The following ALKBH8 variants were observed in gnomAD, a reference collection of about 807,000 sequenced individuals.
The protein encoded by ALKBH8 is tRNA (carboxymethyluridine(34)-5-O)-methyltransferase ALKBH8.
In ALKBH8, 36 loss-of-function variants were observed where a neutral mutation model predicts 59.8. That is an observed-to-expected ratio of 0.60 (90% CI 0.46 to 0.79). The LOEUF (loss-of-function observed/expected upper bound fraction) is 0.79, where lower values mean the gene tolerates loss of function less well. ALKBH8 is among the 30% of genes least tolerant of loss of function. ALKBH8 has a pLI of 0.00. For missense variants in ALKBH8, 768 were observed against 801.0 expected, an observed-to-expected ratio of 0.96 and a Z score of 0.50; for synonymous variants, 276 against 273.6, an observed-to-expected ratio of 1.01 and a Z score of -0.09.
chr11:107,512,856 T>G (rs568611183), intron 10 of ALKBH8, among the ~76,000 whole-genome samples: 1 of 152,330 alleles, frequency 6.6e-6, no homozygotes, highest in South Asian at 2.1e-4. Flanking sequence ...GCTAGCCATG[T>G]GTAGAAGATT....
At chr11:107,549,140 C>T (rs557873060) in intron 7 of ALKBH8, among the ~76,000 whole-genome samples, 87 of 152,098 alleles carry the variant, frequency 5.7e-4, no homozygotes, top group African/African-American at 2.0e-3. Context: ...CATAAGCCAC[C>T]GCACCCAGCC....
chr11:107,555,712 G>GA (rs1486877131), intron 3 of ALKBH8, among the ~76,000 whole-genome samples: 1 of 152,076 alleles, frequency 6.6e-6, no homozygotes, highest in African/African-American at 2.4e-5. Flanking sequence ...CCACTCCTAG[G>GA]ATATCTAAAA....
At position 107,504,433 on chromosome 11, in the gene ALKBH8, C is replaced by A. The variant is rs148650310; in HGVS notation, c.*225G>T. The A allele has an allele frequency of 4.1e-3, 2,695 of 654,780 alleles. 56 individuals are homozygous for A. Among genetic ancestry groups the A allele is most frequent in the East Asian group, 9.6e-3 (355 of 36,872 alleles). 40.6% of individuals were successfully genotyped at this position (654,780 alleles called of 1,614,324 possible). On this transcript the variant is annotated 3_prime_UTR_variant, in exon 12 of 12. Transcript: ENST00000428149. ...AAACTGCTTCAATCACTTTTAGAAA[C>A]CACCTCTCCTAGGGAAGTAGGAGGA...
chr11:107,542,213 A>C (rs573155187), intron 7 of ALKBH8, among the ~76,000 whole-genome samples: 1 of 152,250 alleles, frequency 6.6e-6, no homozygotes, highest in South Asian at 2.1e-4. Context: ...AGATTCAAGA[A>C]ACCTGGTAAT....
At chr11:107,527,853 T>C (rs763468492) in intron 8 of ALKBH8, among the ~76,000 whole-genome samples, 6 of 152,058 alleles carry the variant, frequency 3.9e-5, no homozygotes, top group Non-Finnish European at 7.4e-5. Flanking sequence ...AATATAGCAT[T>C]AAATAGAAGG....
In ALKBH8 at chr11:107,532,343, A is replaced by G; in HGVS notation, c.835T>C (p.Leu279=). 6.2e-7 allele frequency: 1 copy of G among 1,613,636 alleles called. No individual in the cohort carries two copies. The highest frequency in any genetic ancestry group is 8.5e-7 in the Non-Finnish European group (1 of 1,179,664). Residue 279 remains leucine, a synonymous_variant, in exon 8 of 12, where the codon TTG becomes CTG. Coordinates refer to ENST00000428149, the MANE Select transcript of ALKBH8 (RefSeq NM_138775.3). ...CTAGATTCTCCTGTCATCACCAGCAAACTCCGACGAGGCAACATAACTGGC... is the reference window on the plus strand; with the variant it reads ...CTAGATTCTCCTGTCATCACCAGCAGACTCCGACGAGGCAACATAACTGGC... ...AVPVMLPRRS[L]LVMTGESRYL...
chr11:107,540,334 CA>C (rs1275639175), intron 7 of ALKBH8, among the ~76,000 whole-genome samples: 38 of 152,284 alleles, frequency 2.5e-4, no homozygotes, highest in African/African-American at 9.1e-4. Flanking sequence ...AGCTGCTGAA[CA>C]AATAGATTCT....
At chr11:107,515,914 T>A (rs907551055) in intron 10 of ALKBH8, among the ~76,000 whole-genome samples, 1 of 152,234 alleles carries the variant, frequency 6.6e-6, no homozygotes, top group African/African-American at 2.4e-5. Flanking sequence ...AACCATTTTT[T>A]AAGGAAGAAA....
rs375393669 is a variant in ALKBH8 at position 107,553,927 on chromosome 11, A to G, written c.419T>C (p.Val140Ala). The change falls in exon 4 of 12, where the codon GTA (valine) becomes GCA (alanine). Residue 140 changes from valine (V) to alanine (A), a missense_variant. Coordinates refer to ENST00000428149, the MANE Select transcript of ALKBH8 (RefSeq NM_138775.3). ...CTCCTCAGAAGAAATTATTTCTTCTACTACCATGAGTCCTGGTGGTAAGGC... is the reference window on the plus strand; with the variant it reads ...CTCCTCAGAAGAAATTATTTCTTCTGCTACCATGAGTCCTGGTGGTAAGGC... ...PQALPPGLMVVEEIISSEEEK... is the reference protein window; with the variant it reads ...PQALPPGLMVAEEIISSEEEK... The G allele has an allele frequency of 1.2e-5, 19 of 1,613,664 alleles. No individual in the cohort carries two copies. Among genetic ancestry groups the G allele is most frequent in the Non-Finnish European group, 1.4e-5 (17 of 1,179,748 alleles).
At chr11:107,536,697 G>A (rs957753732) in intron 7 of ALKBH8, among the ~76,000 whole-genome samples, 3 of 152,156 alleles carry the variant, frequency 2.0e-5, no homozygotes, top group Non-Finnish European at 4.4e-5. Flanking sequence ...GTAAGGGGAA[G>A]GGTGAGTGGG....
intron 8 of ALKBH8, among the ~76,000 whole-genome samples, chr11:107,529,939 G>C (rs1863516449): frequency 6.6e-6 from 1 of 152,122 alleles, no homozygotes; most frequent in Admixed American, 6.6e-5. Context: ...AACAGAAAGG[G>C]GTAGGAACTG....
chr11:107,504,590 T>C lies in ALKBH8; in HGVS notation c.*68A>G, dbSNP rs1448393914. On this transcript the variant is annotated 3_prime_UTR_variant, in exon 12 of 12. Coordinates refer to ENST00000428149, the MANE Select transcript of ALKBH8 (RefSeq NM_138775.3). The stretch of plus-strand genomic sequence containing the variant: ...GTTTTCTCTTTAATTAAAAGGGTAA[T>C]TAATTTATTCTCTCTTTTTTTTTAA... 1.3e-6 allele frequency: 2 copies of C among 1,514,160 alleles called. No homozygotes were observed. The highest frequency in any genetic ancestry group is 2.1e-5 in the Admixed American group (1 of 48,650). 93.8% of individuals were successfully genotyped at this position (1,514,160 alleles called of 1,614,324 possible).
At chr11:107,559,113 G>A (rs1408246577) in intron 2 of ALKBH8, among the ~76,000 whole-genome samples, 1 of 152,090 alleles carries the variant, frequency 6.6e-6, no homozygotes, top group East Asian at 1.9e-4. Context: ...CTTTCGCTTG[G>A]CTCTCATTCT....
intron 1 of ALKBH8, 152 bp downstream of exon 1, chr11:107,565,449 C>T (rs906975926): frequency 1.5e-5 from 16 of 1,038,072 alleles, no homozygotes; most frequent in Admixed American, 8.8e-5. Context: ...ACCCTACTGC[C>T]CACACTGCAC....
In ALKBH8 at chr11:107,504,863, T is replaced by C; in HGVS notation, c.1790A>G (p.His597Arg). 1 of 1,551,712 alleles carries C rather than the reference T, an allele frequency of 6.4e-7. No individual in the cohort carries two copies. The highest frequency in any genetic ancestry group is 8.7e-7 in the Non-Finnish European group (1 of 1,146,972). ...FYSQDVLVPW[H>R]LKGNPDKGKP... is the part of the protein sequence containing the mutation. Reference sequence around the variant, plus strand: ...GCCTTTATCAGGATTTCCCTTAAGGTGCCAGGGAACCAGTACATCTTGAGA... The same window carrying C: ...GCCTTTATCAGGATTTCCCTTAAGGCGCCAGGGAACCAGTACATCTTGAGA... The change falls in exon 12 of 12, where the codon CAC becomes CGC. Residue 597 changes from histidine to arginine, a missense_variant. Coordinates refer to ENST00000428149, the MANE Select transcript of ALKBH8 (RefSeq NM_138775.3).
At chr11:107,543,597 T>A (rs1241363011) in intron 7 of ALKBH8, among the ~76,000 whole-genome samples, 1 of 152,228 alleles carries the variant, frequency 6.6e-6, no homozygotes, top group Non-Finnish European at 1.5e-5. Context: ...GCTATATGCT[T>A]AACAAGTCAA....
rs1212634266 is a variant in ALKBH8 at position 107,504,026 on chromosome 11, G to C, written c.*632C>G. On this transcript the variant is annotated 3_prime_UTR_variant, in exon 12 of 12. Coordinates refer to ENST00000428149, the MANE Select transcript of ALKBH8 (RefSeq NM_138775.3). ...TAAGCACCATAAGGGCAAGAGCTTT[G>C]CTCTTTCTTATTCACTGCTTCATTA... is the stretch of plus-strand genomic sequence containing the variant. 1 of 153,100 alleles carries C rather than the reference G, an allele frequency of 6.5e-6. No individual in the cohort carries two copies. Among genetic ancestry groups the C allele is most frequent in the Non-Finnish European group, 1.5e-5 (1 of 68,806 alleles). 9.5% of individuals were successfully genotyped at this position (153,100 alleles called of 1,614,324 possible). A position where few individuals can be genotyped will look rare whatever the true frequency, so the allele number is the denominator to read the frequency against.
rs948804281 is a variant in ALKBH8 at position 107,504,995 on chromosome 11, G to A, written c.1658C>T (p.Ser553Leu). The change falls in exon 12 of 12, where the codon TCG (serine) becomes TTG (leucine). Residue 553 changes from serine to leucine, a missense_variant. Coordinates refer to ENST00000428149, the MANE Select transcript of ALKBH8 (RefSeq NM_138775.3). ...EQMRDMGSRD[S>L]ASSVPRINDS... ...ATTAATGCGGGGGACAGAAGATGCC[G>A]AGTCTCGACTGCCCATGTCACGCAT... 2.8e-5 allele frequency: 43 copies of A among 1,551,462 alleles called. No homozygotes were observed. Among genetic ancestry groups the A allele is most frequent in the South Asian group, 4.8e-5 (4 of 84,030 alleles).
At chr11:107,521,867 C>T (rs1457102937) in intron 10 of ALKBH8, among the ~76,000 whole-genome samples, 1 of 151,960 alleles carries the variant, frequency 6.6e-6, no homozygotes, top group African/African-American at 2.4e-5. Flanking sequence ...GTTCAAGTTC[C>T]AGTTATGTCC....
Sources: allele counts gnomAD v4.1 joint callset (sites outside exome capture counted in the v4.1 genomes callset), GRCh38; gene constraint gnomAD v4.1.1; transcripts MANE v1.5; gene names NCBI Gene and HGNC (gene_info 2026-07-23, HGNC 2026-07-21).